ACIN1: variants seen among roughly 807,000 people sequenced by gnomAD.
ACIN1 encodes apoptotic chromatin condensation inducer 1, also known as apoptotic chromatin condensation inducer in the nucleus.
ACIN1 carries 16 observed loss-of-function variants against 146.6 expected under a neutral mutation model. The observed-to-expected ratio is 0.11, with a 90% confidence interval of 0.07 to 0.17. ACIN1 has a LOEUF of 0.17. Ranked by LOEUF, ACIN1 falls within the 10% of genes least tolerant of loss-of-function variation. The pLI is 1.00. For missense variants in ACIN1, 1,357 were observed against 1,609.3 expected, an observed-to-expected ratio of 0.84 and a Z score of 2.68; for synonymous variants, 569 against 582.7, an observed-to-expected ratio of 0.98 and a Z score of 0.34.
At chr14:23,074,430 G>A (rs2047747148) in intron 8 of ACIN1, among the ~76,000 whole-genome samples, 1 of 151,878 alleles carries the variant, frequency 6.6e-6, no homozygotes, top group Non-Finnish European at 1.5e-5. Flanking sequence ...GCAGGGTGTG[G>A]CAGCCGCGTC....
chr14:23,078,725 G>C lies in ACIN1; in HGVS notation c.2007+95C>G, dbSNP rs1478551633. 34 of 1,316,290 alleles carry C rather than the reference G, an allele frequency of 2.6e-5. No individual in the cohort carries two copies. The East Asian group carries it at 8.3e-4, about 32-fold the overall frequency. The allele number at this position is 1,316,290 out of a possible 1,614,324, so 81.5% of individuals were successfully genotyped here. A position where few individuals can be genotyped will look rare whatever the true frequency, so the allele number is the denominator to read the frequency against. ...ATCCACCACATTTCTACTGAACCTT[G>C]TCCAGACTTAACTTTTTAGTTTTAT... On this transcript the variant is annotated intron_variant, in intron 7 of 18. Transcript: ENST00000605057.
intron 5 of ACIN1, among the ~76,000 whole-genome samples, 198 bp from the exon 6 acceptor site, chr14:23,081,007 T>A (rs529548484): frequency 9.3e-5 from 14 of 150,266 alleles, no homozygotes; most frequent in African/African-American, 3.2e-4. Context: ...AAAAGAAATA[T>A]CACAATGAAG....
intron 2 of ACIN1, among the ~76,000 whole-genome samples, chr14:23,091,363 C>T (rs1454239882): frequency 1.3e-5 from 2 of 151,872 alleles, no homozygotes; most frequent in Non-Finnish European, 2.9e-5. Flanking sequence ...CTTTGGGAGG[C>T]TGAAGTGGGA....
At chr14:23,064,516 T>C in intron 10 of ACIN1, 28 bp from the exon 11 acceptor site, 1 of 1,612,520 alleles carries the variant, frequency 6.2e-7, no homozygotes. Flanking sequence ...ACCCAACAGT[T>C]AGATGGTCTC....
intron 8 of ACIN1, among the ~76,000 whole-genome samples, chr14:23,070,469 A>G (rs2047602233): frequency 6.6e-6 from 1 of 151,856 alleles, no homozygotes; most frequent in Non-Finnish European, 1.5e-5. Flanking sequence ...ACCCTCCCCC[A>G]CACAGGCAGC....
At chr14:23,092,046 T>C (rs2048243212) in intron 2 of ACIN1, among the ~76,000 whole-genome samples, 1 of 152,064 alleles carries the variant, frequency 6.6e-6, no homozygotes, top group Admixed American at 6.5e-5. Flanking sequence ...ATAACTCCAT[T>C]TTGTCTGGGT....
intron 8 of ACIN1, among the ~76,000 whole-genome samples, chr14:23,072,503 T>C (rs2047688605): frequency 1.3e-5 from 2 of 152,160 alleles, no homozygotes; most frequent in Admixed American, 1.3e-4. Flanking sequence ...CAGAAAATAT[T>C]AATCATGGGA....
intron 8 of ACIN1, among the ~76,000 whole-genome samples, chr14:23,072,912 A>G (rs1043785541): frequency 8.5e-5 from 13 of 152,316 alleles, no homozygotes; most frequent in Non-Finnish European, 1.5e-4. Context: ...CTGGTTCTGT[A>G]TATCTGTCTT....
intron 16 of ACIN1, among the ~76,000 whole-genome samples, 178 bp from the exon 17 acceptor site, chr14:23,061,800 C>T (rs1438940566): frequency 2.0e-5 from 3 of 151,822 alleles, no homozygotes; most frequent in Admixed American, 2.0e-4. Context: ...GGTGAAACCC[C>T]GTCTCTACTG....
intron 4 of ACIN1, among the ~76,000 whole-genome samples, chr14:23,089,039 TATG>T (rs2048159169): frequency 1.3e-5 from 2 of 152,154 alleles, no homozygotes; most frequent in African/African-American, 4.8e-5. Flanking sequence ...GGGTGCCTAT[TATG>T]ATTTTATGTA....
chr14:23,071,812 A>T (rs940162991), intron 8 of ACIN1, among the ~76,000 whole-genome samples: 2 of 152,212 alleles, frequency 1.3e-5, no homozygotes, highest in Non-Finnish European at 2.9e-5. Context: ...GGTGGAGGAC[A>T]TGTAAAGTTA....
At chr14:23,061,991 AAAG>A (rs1393263442) in intron 16 of ACIN1, among the ~76,000 whole-genome samples, 174 bp downstream of exon 16, 13 of 151,160 alleles carry the variant, frequency 8.6e-5, no homozygotes, top group African/African-American at 2.4e-4. Context: ...AAAAAAAAAA[AAAG>A]GAGCCCAGGT....
chr14:23,093,386 T>C (rs186685339), intron 2 of ACIN1, 93 bp downstream of exon 2: 4 of 1,271,360 alleles, frequency 3.1e-6, no homozygotes, highest in African/African-American at 3.0e-5. Flanking sequence ...AAAACAGTCA[T>C]GAGGACTTAA....
At chr14:23,095,443 G>A (rs1594797645), upstream of ACIN1, 1 of 1,088,338 alleles carries the variant, frequency 9.2e-7, no homozygotes, top group East Asian at 2.6e-5. Flanking sequence ...GTTTATTTCC[G>A]GACCTAGAGA....
intron 16 of ACIN1, 107 bp downstream of exon 16, chr14:23,062,061 A>C: frequency 2.2e-6 from 2 of 915,868 alleles, no homozygotes; most frequent in Non-Finnish European, 3.5e-6. Context: ...AAGAAGAGAA[A>C]AGAACAGAAG....
rs555528410 is a variant in ACIN1 at position 23,078,704 on chromosome 14, A to C, written c.2007+116T>G. 5 of 1,109,698 alleles carry C rather than the reference A, an allele frequency of 4.5e-6. No homozygotes were observed. The South Asian group carries it at 8.1e-5, about 18-fold the overall frequency. The allele number at this position is 1,109,698 out of a possible 1,614,324, so 68.7% of individuals were successfully genotyped here. On this transcript the variant is annotated intron_variant, in intron 7 of 18. Coordinates refer to ENST00000605057, the MANE Select transcript of ACIN1 (RefSeq NM_001386863.1). Reference sequence around the variant, plus strand: ...AGTTAAGCAGGATTAACAGGTATCCACCACATTTCTACTGAACCTTGTCCA... The same window carrying C: ...AGTTAAGCAGGATTAACAGGTATCCCCCACATTTCTACTGAACCTTGTCCA...
chr14:23,089,925 C>T, intron 4 of ACIN1, 57 bp downstream of exon 4: 3 of 1,485,808 alleles, frequency 2.0e-6, no homozygotes, highest in Non-Finnish European at 1.8e-6. Flanking sequence ...GTAACTACCT[C>T]CCCCCACCAA....
Position 23,078,938 on chromosome 14 carries a change from A to T in ACIN1, c.1889T>A (p.Leu630Gln), listed in dbSNP as rs1382573605. ...CCTCTCCTTTGGCTCACAGACCTGC[A>T]GTTGTGGCACTGGTGGAGTTGCAAC... ...QEVATPPVPQ[L>Q]QVCEPKERTS... Residue 630 changes from leucine (L) to glutamine (Q), a missense_variant, in exon 7 of 19, where the codon CTG becomes CAG. Around this residue, in one of 4 missense-constraint regions of ACIN1, gnomAD observed 771 missense variants for 746.6 expected, o/e 1.03. Coordinates refer to ENST00000605057, the MANE Select transcript of ACIN1 (RefSeq NM_001386863.1). 6.2e-7 allele frequency: 1 copy of T among 1,614,196 alleles called. No individual in the cohort carries two copies. Among genetic ancestry groups the T allele is most frequent in the South Asian group, 1.1e-5 (1 of 91,082 alleles).
Position 23,081,823 on chromosome 14 carries a change from T to C in ACIN1, c.450A>G (p.Ser150=). The C allele has an allele frequency of 6.2e-7, 1 of 1,611,322 alleles. No homozygotes were observed. Among genetic ancestry groups the C allele is most frequent in the Non-Finnish European group, 8.5e-7 (1 of 1,179,612 alleles). The part of the protein sequence containing the change: ...LSRHSPRKSS[S]ISEEKGDSDD... ...CAGAGTCACCTTTCTCTTCAGAAATTGAGGAGCTTTTTCCTATTGAATGAA... is the reference window on the plus strand; with the variant it reads ...CAGAGTCACCTTTCTCTTCAGAAATCGAGGAGCTTTTTCCTATTGAATGAA... Residue 150 remains serine, a synonymous_variant, in exon 5 of 19, where the codon TCA becomes TCG. Coordinates refer to ENST00000605057, the MANE Select transcript of ACIN1 (RefSeq NM_001386863.1).
Sources: allele counts gnomAD v4.1 joint callset (sites outside exome capture counted in the v4.1 genomes callset), GRCh38; gene constraint gnomAD v4.1.1; regional missense constraint gnomAD v4.1.1; transcripts MANE v1.5; gene names NCBI Gene and HGNC (gene_info 2026-07-23, HGNC 2026-07-21).